Variants in SCN2A observed in about 807,000 individuals in gnomAD.
SCN2A encodes sodium channel protein type 2 subunit alpha.
Under a neutral mutation model 188.7 loss-of-function variants are expected in SCN2A, and 20 were observed. The observed-to-expected ratio is 0.11, with a 90% CI of 0.07 to 0.15. SCN2A has a LOEUF of 0.15. SCN2A is among the 10% of genes least tolerant of loss of function. The probability of loss-of-function intolerance (pLI) is 1.00; values close to 1 mark genes in which losing one functional copy is unlikely to be tolerated. For synonymous variants in SCN2A, 804 were observed against 833.1 expected, an observed-to-expected ratio of 0.97 and a Z score of 0.60; for missense variants, 1,278 against 2,445.0, an observed-to-expected ratio of 0.52 and a Z score of 10.07.
intron 10 of SCN2A, among the ~76,000 whole-genome samples, 160 bp downstream of exon 10, chr2:165,314,268 C>T (rs1394775436): frequency 6.6e-6 from 1 of 152,092 alleles, no homozygotes; most frequent in Non-Finnish European, 1.5e-5. Flanking sequence ...TACTTTATTG[C>T]AATGATCTCT....
At chr2:165,338,428 T>G (rs1017673183) in intron 14 of SCN2A, among the ~76,000 whole-genome samples, 1 of 151,882 alleles carries the variant, frequency 6.6e-6, no homozygotes, top group African/African-American at 2.4e-5. Context: ...CCTGGCTAAT[T>G]TTGTTGCATT....
rs1702109952 is a variant in SCN2A at position 165,391,243 on chromosome 2, GCTT to G, written c.*1423_*1425del. ...AATAGGTTGCAGCAAACAAGGAAGA[GCTT>G]CTTGCTTTTTATTCTTCCAACCTTA... is the stretch of plus-strand genomic sequence containing the variant. On this transcript the variant is annotated 3_prime_UTR_variant, in exon 27 of 27. Coordinates refer to ENST00000375437, the MANE Select transcript of SCN2A (RefSeq NM_001040142.2). 1 of 152,506 alleles carries G rather than the reference GCTT, an allele frequency of 6.6e-6. No individual in the cohort carries two copies. The highest frequency in any genetic ancestry group is 1.5e-5 in the Non-Finnish European group (1 of 67,996). 9.4% of individuals were successfully genotyped at this position (152,506 alleles called of 1,614,324 possible). A position where few individuals can be genotyped will look rare whatever the true frequency, so the allele number is the denominator to read the frequency against.
chr2:165,252,472 TTTTA>T (rs1213140540), intron 1 of SCN2A, among the ~76,000 whole-genome samples: 7 of 152,086 alleles, frequency 4.6e-5, no homozygotes, highest in Non-Finnish European at 7.4e-5. Flanking sequence ...AGTAAATGCA[TTTTA>T]TTTATCAATT....
intron 1 of SCN2A, among the ~76,000 whole-genome samples, chr2:165,288,498 T>TA (rs980324628): frequency 4.6e-5 from 7 of 150,714 alleles, no homozygotes; most frequent in South Asian, 2.1e-4. Flanking sequence ...AAATAAACTA[T>TA]AAAAAATAAG....
chr2:165,306,095 A>G (rs1478089818), intron 3 of SCN2A, among the ~76,000 whole-genome samples: 1 of 152,172 alleles, frequency 6.6e-6, no homozygotes, highest in Non-Finnish European at 1.5e-5. Context: ...TCAATGTGGA[A>G]AAGTTTGTTG....
At chr2:165,290,065 C>G (rs747708969) in intron 1 of SCN2A, among the ~76,000 whole-genome samples, 4 of 152,072 alleles carry the variant, frequency 2.6e-5, no homozygotes, top group Non-Finnish European at 5.9e-5. Context: ...CAGGATGCCT[C>G]TGTTTATTCC....
rs1702137202 is a variant in SCN2A at position 165,391,928 on chromosome 2, T to A, written c.*2104T>A. On this transcript the variant is annotated 3_prime_UTR_variant, in exon 27 of 27. Coordinates refer to ENST00000375437, the MANE Select transcript of SCN2A (RefSeq NM_001040142.2). ...AACAATAAATGTAGATTCTTTATAC[T>A]GAAGCTATTGACTTGTAGTGTGTTG... The A allele has an allele frequency of 6.6e-6, 1 of 152,564 alleles. No individual in the cohort carries two copies. 9.5% of individuals were successfully genotyped at this position (152,564 alleles called of 1,614,324 possible). A position where few individuals can be genotyped will look rare whatever the true frequency, so the allele number is the denominator to read the frequency against.
intron 19 of SCN2A, 125 bp from the exon 20 acceptor site, chr2:165,370,001 T>G: frequency 1.3e-6 from 1 of 756,780 alleles, no homozygotes; most frequent in Non-Finnish European, 2.2e-6. Context: ...AATTCAGCCA[T>G]GGGAAACATT....
chr2:165,252,770 G>T (rs1307254436), intron 1 of SCN2A, among the ~76,000 whole-genome samples: 2 of 151,890 alleles, frequency 1.3e-5, no homozygotes, highest in African/African-American at 4.8e-5. Context: ...GAACTGGATG[G>T]GGAGAAGAGG....
At chr2:165,288,473 A>G (rs1273644944) in intron 1 of SCN2A, among the ~76,000 whole-genome samples, 1 of 151,586 alleles carries the variant, frequency 6.6e-6, no homozygotes. Flanking sequence ...ATATTGCTCA[A>G]TGCACCTAAT....
intron 1 of SCN2A, among the ~76,000 whole-genome samples, chr2:165,280,563 G>A (rs1271484343): frequency 1.3e-5 from 2 of 152,060 alleles, no homozygotes; most frequent in East Asian, 3.9e-4. Context: ...GTGAGTTTAC[G>A]TGCCCCCACC....
At chr2:165,324,131 AAAGTGGCCC>A (rs1193713082) in intron 12 of SCN2A, among the ~76,000 whole-genome samples, 1 of 152,236 alleles carries the variant, frequency 6.6e-6, no homozygotes, top group Non-Finnish European at 1.5e-5. Flanking sequence ...TATTGTAAAC[AAAGTGGCCC>A]AAAACCAATC....
chr2:165,241,088 TG>T (rs1693598534), intron 1 of SCN2A: 1 of 151,846 alleles, frequency 6.6e-6, no homozygotes, highest in East Asian at 2.0e-4. Flanking sequence ...ACCTCTAGTG[TG>T]AACATATCAG....
In SCN2A at chr2:165,296,360, A is replaced by G; in HGVS notation, c.267+270A>G. 3 of 470,924 alleles carry G rather than the reference A, an allele frequency of 6.4e-6. No homozygotes were observed. In the South Asian group the frequency reaches 6.7e-5, roughly 10 times the overall value. 29.2% of individuals were successfully genotyped at this position (470,924 alleles called of 1,614,324 possible). A position where few individuals can be genotyped will look rare whatever the true frequency, so the allele number is the denominator to read the frequency against. ...GGACAAAAGCCTATTCACCTTCTTG[A>G]ATACAAATTATATGCTTAAACCAGT... On this transcript the variant is annotated intron_variant, in intron 2 of 26. Coordinates refer to ENST00000375437, the MANE Select transcript of SCN2A (RefSeq NM_001040142.2).
chr2:165,320,460 A>T (rs2105270771), intron 11 of SCN2A: 1 of 152,314 alleles, frequency 6.6e-6, no homozygotes, highest in African/African-American at 2.4e-5. Flanking sequence ...CCCAGTAGGG[A>T]CCCTGTGTTG....
chr2:165,320,399 C>T (rs1483509800), intron 11 of SCN2A: 2 of 152,246 alleles, frequency 1.3e-5, no homozygotes, highest in African/African-American at 2.4e-5. Context: ...ATCTATTATT[C>T]TTGGGTCTGG....
chr2:165,332,711 G>C (rs1020214213), intron 14 of SCN2A, among the ~76,000 whole-genome samples: 1 of 151,966 alleles, frequency 6.6e-6, no homozygotes, highest in African/African-American at 2.4e-5. Context: ...AAAGCAGGGT[G>C]GTGGGGTGGC....
intron 5 of SCN2A, chr2:165,309,023 G>C: frequency 4.6e-6 from 5 of 1,087,130 alleles, no homozygotes; most frequent in Non-Finnish European, 6.8e-6. Context: ...AAATAACAGA[G>C]ATTATGATTG....
chr2:165,274,630 G>A (rs1253413488), intron 1 of SCN2A, among the ~76,000 whole-genome samples: 4 of 152,126 alleles, frequency 2.6e-5, no homozygotes, highest in African/African-American at 9.7e-5. Flanking sequence ...TTTAAAAATT[G>A]TACCCTGGTT....
Sources: gnomAD v4.1 joint callset for allele counts (sites outside exome capture counted in the v4.1 genomes callset) on GRCh38, gnomAD v4.1.1 for gene constraint, MANE v1.5 for transcripts, NCBI Gene and HGNC (gene_info 2026-07-23, HGNC 2026-07-21) for gene names.